Variants in DLL1 observed in about 807,000 individuals in gnomAD.
DLL1 encodes delta like canonical Notch ligand 1, also known as delta-like protein 1.
DLL1 carries 9 observed loss-of-function variants against 75.1 expected under a neutral mutation model. The ratio of observed to expected loss-of-function variants is 0.12; its 90% confidence interval spans 0.07 to 0.21. The LOEUF is 0.21. DLL1 is among the 10% of genes least tolerant of loss of function. The pLI, the probability that DLL1 is intolerant of heterozygous loss-of-function variation, is 1.00. For missense variants in DLL1, 837 were observed against 1,007.6 expected (o/e 0.83, Z 2.29); for synonymous variants, 477 against 418.3 (o/e 1.14, Z -1.71).
At chr6:170,289,295 A>G in intron 2 of DLL1, 3 of 766,462 alleles carry the variant, frequency 3.9e-6, no homozygotes, top group Non-Finnish European at 6.4e-6. Flanking sequence ...TCCTCGCCCC[A>G]GCGCGGTCCC....
chr6:170,290,831 C>G lies in DLL1; in HGVS notation c.-692G>C. 1.6e-6 allele frequency: 1 copy of G among 625,898 alleles called. No homozygotes were observed. Among genetic ancestry groups the G allele is most frequent in the Non-Finnish European group, 2.9e-6 (1 of 349,874 alleles). 38.8% of individuals were successfully genotyped at this position (625,898 alleles called of 1,614,324 possible). A position where few individuals can be genotyped will look rare whatever the true frequency, so the allele number is the denominator to read the frequency against. ...GTACACACGCGCAGGACCGGAGGGG[C>G]CGGGCCGTGGGAGGAGGCTCTGCGC... On this transcript the variant is annotated 5_prime_UTR_variant, in exon 1 of 11. Coordinates refer to ENST00000366756, the MANE Select transcript of DLL1 (RefSeq NM_005618.4). This position sits in a 1 kb window ranked among gnomAD's most constrained non-coding sequence, Gnocchi z 4.7.
At chr6:170,286,909 AGC>A in intron 4 of DLL1, among the ~76,000 whole-genome samples, 1 of 152,216 alleles carries the variant, frequency 6.6e-6, no homozygotes, top group East Asian at 1.9e-4. Flanking sequence ...GGCACGCGCG[AGC>A]TGGGGGCGGG....
Position 170,290,264 on chromosome 6 carries a change from ACCGCAG to A in DLL1, c.-131_-126del. The stretch of plus-strand genomic sequence containing the variant: ...GAAAAGCGCCCTTGCCTCGCCCCAG[ACCGCAG>A]GACCCAGGACTTCTTTCTTTAAAAG... On this transcript the variant is annotated 5_prime_UTR_variant, in exon 1 of 11. Coordinates refer to ENST00000366756, the MANE Select transcript of DLL1 (RefSeq NM_005618.4). This position sits in a 1 kb window ranked among gnomAD's most constrained non-coding sequence, Gnocchi z 4.7. 9.1e-7 allele frequency: 1 copy of A among 1,099,654 alleles called. No individual in the cohort carries two copies. Among genetic ancestry groups the A allele is most frequent in the Non-Finnish European group, 1.3e-6 (1 of 785,802 alleles). The allele number at this position is 1,099,654 out of a possible 1,614,324, so 68.1% of individuals were successfully genotyped here. A position where few individuals can be genotyped will look rare whatever the true frequency, so the allele number is the denominator to read the frequency against.
chr6:170,286,157 G>T, intron 5 of DLL1, 81 bp downstream of exon 5: 2 of 1,556,916 alleles, frequency 1.3e-6, no homozygotes, highest in South Asian at 1.1e-5. Context: ...GATCACCTAG[G>T]GCTGTTTTTA....
intron 4 of DLL1, 28 bp from the exon 5 acceptor site, chr6:170,286,326 G>A: frequency 6.2e-7 from 1 of 1,614,098 alleles, no homozygotes; most frequent in South Asian, 1.1e-5. Flanking sequence ...ACAGGGTCAA[G>A]CCCCACGCCA....
chr6:170,288,694 G>A, intron 3 of DLL1, 35 bp downstream of exon 3: 2 of 1,613,754 alleles, frequency 1.2e-6, no homozygotes, highest in Non-Finnish European at 8.5e-7. Flanking sequence ...TATTAACTGG[G>A]GAAAGCAGTT....
At chr6:170,284,059 T>G in intron 8 of DLL1, 30 bp from the exon 9 acceptor site, 1 of 1,542,426 alleles carries the variant, frequency 6.5e-7, no homozygotes, top group Non-Finnish European at 8.7e-7. Flanking sequence ...ACATCACGTG[T>G]CTCCTCGTAG....
At chr6:170,284,828 C>T (rs1453140686) in intron 8 of DLL1, 91 bp downstream of exon 8, 3 of 1,282,898 alleles carry the variant, frequency 2.3e-6, no homozygotes, top group Non-Finnish European at 3.4e-6. Context: ...GATTCATAAA[C>T]TCGAGGTCAC....
Position 170,289,582 on chromosome 6 carries a change from A to T in DLL1, c.281T>A (p.Leu94Gln). The change falls in exon 2 of 11, where the codon CTG becomes CAG. Residue 94 changes from leucine (L) to glutamine (Q), a missense_variant. By Grantham distance (113) the Leu-to-Gln change is moderately radical. Transcript: ENST00000366756. Reference sequence around the variant, plus strand: ...GGAGTCGGCGCCCCCGCCGTCGGGCAGACTGAAGGAGTCGACGCCCAGCAC... The same window carrying T: ...GGAGTCGGCGCCCCCGCCGTCGGGCTGACTGAAGGAGTCGACGCCCAGCAC... ...TPVLGVDSFS[L>Q]PDGGGADSAF... is the part of the protein sequence containing the mutation. 1 of 1,535,312 alleles carries T rather than the reference A, an allele frequency of 6.5e-7. No individual in the cohort carries two copies. Among genetic ancestry groups the T allele is most frequent in the Non-Finnish European group, 8.7e-7 (1 of 1,146,380 alleles).
At chr6:170,286,098 A>G in intron 5 of DLL1, 140 bp downstream of exon 5, 1 of 1,015,234 alleles carries the variant, frequency 9.8e-7, no homozygotes, top group Non-Finnish European at 1.5e-6. Flanking sequence ...AAGTAGAAAC[A>G]TGAGAAAACG....
At chr6:170,289,830 C>T in intron 1 of DLL1, 22 bp from the exon 2 acceptor site, 1 of 1,548,604 alleles carries the variant, frequency 6.5e-7, no homozygotes, top group Non-Finnish European at 8.7e-7. Flanking sequence ...AGGGCGGGGG[C>T]GTGAGGACGC....
rs577331466 is a variant in DLL1 at position 170,288,014 on chromosome 6, G to A, written c.670+225C>T. Among the ~76,000 whole-genome samples the A allele has an allele frequency of 7.2e-5, 11 of 152,246 alleles. No homozygotes were observed. In the South Asian group the frequency reaches 1.9e-3, roughly 26 times the overall value. On this transcript the variant is annotated intron_variant, in intron 4 of 10. Coordinates refer to ENST00000366756, the MANE Select transcript of DLL1 (RefSeq NM_005618.4). ...CTCCCTGATTAAGAAAGGCAGTTCC[G>A]ATAGTGGATAAACACAGCCTGGGAT... is the stretch of plus-strand genomic sequence containing the variant.
Position 170,290,174 on chromosome 6 carries a change from C to T in DLL1, c.-35G>A. ...CTCCACGCGCGAGCCTGGGGGGCCC[C>T]CACTTCTCTCCTTAGAACAGCGGCG... is the stretch of plus-strand genomic sequence containing the variant. On this transcript the variant is annotated 5_prime_UTR_variant, in exon 1 of 11. Transcript: ENST00000366756. This position sits in a 1 kb window ranked among gnomAD's most constrained non-coding sequence, Gnocchi z 4.7. 1 of 1,586,054 alleles carries T rather than the reference C, an allele frequency of 6.3e-7. No homozygotes were observed. The highest frequency in any genetic ancestry group is 8.5e-7 in the Non-Finnish European group (1 of 1,174,152).
chr6:170,286,154 T>C, intron 5 of DLL1, 84 bp downstream of exon 5: 9 of 1,553,346 alleles, frequency 5.8e-6, no homozygotes, highest in Middle Eastern at 3.4e-4. Flanking sequence ...AATGATCACC[T>C]AGGGCTGTTT....
intron 3 of DLL1, 113 bp from the exon 4 acceptor site, chr6:170,288,609 C>T: frequency 5.0e-6 from 8 of 1,610,406 alleles, no homozygotes; most frequent in Non-Finnish European, 5.9e-6. Flanking sequence ...CTGCTCCACC[C>T]TGAACTTTCT....
chr6:170,288,029 C>A, intron 4 of DLL1: 1 of 703,860 alleles, frequency 1.4e-6, no homozygotes, highest in Non-Finnish European at 2.4e-6. Flanking sequence ...TGGATAAACA[C>A]AGCCTGGGAT....
rs1783581582 is a variant in DLL1 at position 170,282,613 on chromosome 6, T to C, written c.*261A>G. 2 of 600,232 alleles carry C rather than the reference T, an allele frequency of 3.3e-6. No homozygotes were observed. The highest frequency in any genetic ancestry group is 2.0e-5 in the South Asian group (1 of 49,946). 37.2% of individuals were successfully genotyped at this position (600,232 alleles called of 1,614,324 possible). The stretch of plus-strand genomic sequence containing the variant: ...TCTTATGCGTAATTCAGTTCACCCA[T>C]TTAAATATATATTCTCTTAAGAGCA... On this transcript the variant is annotated 3_prime_UTR_variant, in exon 11 of 11. Transcript: ENST00000366756.
Position 170,288,520 on chromosome 6 carries a change from T to C in DLL1, c.413-24A>G, listed in dbSNP as rs376430245. 623 of 1,614,084 alleles carry C rather than the reference T, an allele frequency of 3.9e-4. 4 individuals carry two copies. Among genetic ancestry groups the C allele is most frequent in the South Asian group, 8.9e-4 (81 of 91,078 alleles). ...TTCTACGGGGAGAAGATGCTCCTGGTTGGTTCTGAACGAGAACCCTGTGAC... is the reference window on the plus strand; with the variant it reads ...TTCTACGGGGAGAAGATGCTCCTGGCTGGTTCTGAACGAGAACCCTGTGAC... On this transcript the variant is annotated intron_variant, in intron 3 of 10. Transcript: ENST00000366756.
chr6:170,285,256 T>C lies in DLL1; in HGVS notation c.1030A>G (p.Thr344Ala), dbSNP rs1316136998. Reference sequence around the variant, plus strand: ...ATGCCATGGAGCCTCCGACTCACCGTGCAGCTCCCTCCGTTCTTACAAGGG... The same window carrying C: ...ATGCCATGGAGCCTCCGACTCACCGCGCAGCTCCCTCCGTTCTTACAAGGG... ...PSPCKNGGSC[T>A]DLENSYSCTC... Residue 344 changes from threonine to alanine, a missense_variant and splice_region_variant, in exon 7 of 11, where the codon ACG (threonine) becomes GCG (alanine). Physicochemically the swap from Thr to Ala is moderately conservative, Grantham distance 58. This residue lies in a region of DLL1 where 533 missense variants were observed against 545.7 expected (regional missense o/e 0.98). Transcript: ENST00000366756. 1.2e-6 allele frequency: 2 copies of C among 1,614,132 alleles called. No individual in the cohort carries two copies. The highest frequency in any genetic ancestry group is 1.7e-6 in the Non-Finnish European group (2 of 1,180,026).
Sources: gnomAD v4.1 joint callset for allele counts (sites outside exome capture counted in the v4.1 genomes callset) on GRCh38, gnomAD v4.1.1 for gene constraint, gnomAD v4.1.1 regional missense constraint, Gnocchi (gnomAD v3.1) non-coding constraint, MANE v1.5 for transcripts, NCBI Gene and HGNC (gene_info 2026-07-23, HGNC 2026-07-21) for gene names.